Variants in KCTD10 observed in about 807,000 individuals in gnomAD.
KCTD10 encodes the protein BTB/POZ domain-containing adapter for CUL3-mediated RhoA degradation protein 3.
A neutral mutation model predicts 34.6 loss-of-function variants in KCTD10; 13 were observed. That is an observed-to-expected ratio of 0.38 (90% CI 0.24 to 0.60). The LOEUF (loss-of-function observed/expected upper bound fraction) is 0.60. KCTD10 is among the 20% of genes least tolerant of loss of function. KCTD10 has a pLI of 0.66. For missense variants in KCTD10, 256 were observed against 420.3 expected (o/e 0.61, Z 3.42); for synonymous variants, 156 against 168.8 (o/e 0.92, Z 0.59).
chr12:109,469,838 G>C, intron 1 of KCTD10, 110 bp from the exon 2 acceptor site: 3 of 1,481,748 alleles, frequency 2.0e-6, no homozygotes, highest in Non-Finnish European at 2.7e-6. Context: ...CGCATACACA[G>C]CATTTAAAAG....
intron 2 of KCTD10, among the ~76,000 whole-genome samples, chr12:109,461,344 G>A (rs1873315280): frequency 6.6e-6 from 1 of 152,206 alleles, no homozygotes; most frequent in African/African-American, 2.4e-5. Context: ...CACCAACACA[G>A]GAAGTCCTAT....
intron 1 of KCTD10, chr12:109,471,266 C>T (rs1361343422): frequency 1.0e-5 from 10 of 985,284 alleles, no homozygotes; most frequent in Non-Finnish European, 6.0e-6. Context: ...GCAGAAGCAA[C>T]GCGACAGTCA....
chr12:109,457,470 CAG>C lies in KCTD10; in HGVS notation c.527+158_527+159del, dbSNP rs1873076394. ...TTTATGATATGTGTGAATTATAGCT[CAG>C]AGTTATACCCCTGTATCCATCTGTC... is the stretch of plus-strand genomic sequence containing the variant. On this transcript the variant is annotated intron_variant, in intron 5 of 6. Coordinates refer to ENST00000228495, the MANE Select transcript of KCTD10 (RefSeq NM_031954.5). 17 of 620,102 alleles carry C rather than the reference CAG, an allele frequency of 2.7e-5. No homozygotes were observed. The South Asian group carries it at 3.1e-4, about 11-fold the overall frequency. 38.4% of individuals were successfully genotyped at this position (620,102 alleles called of 1,614,324 possible).
chr12:109,451,596 C>T lies in KCTD10; in HGVS notation c.941G>A (p.Ter314=). 3 of 1,604,684 alleles carry T rather than the reference C, an allele frequency of 1.9e-6. No individual in the cohort carries two copies. Among genetic ancestry groups the T allele is most frequent in the Non-Finnish European group, 2.6e-6 (3 of 1,176,156 alleles). Reference sequence around the variant, plus strand: ...AGGGCGGCTCGGTCTCTTGCCTGCTCACTGGTGGAGGTGGGCCCGGTCATC... The same window carrying T: ...AGGGCGGCTCGGTCTCTTGCCTGCTTACTGGTGGAGGTGGGCCCGGTCATC... The part of the protein sequence containing the change: ...RPDDRAHLHQ[*] Residue 314 remains the stop codon, a stop_retained_variant, in exon 7 of 7, where the codon TGA becomes TAA. Transcript: ENST00000228495. The surrounding 1 kb of genome is among the most constrained non-coding windows in gnomAD (Gnocchi z 5.0).
At chr12:109,452,009 A>G (rs2135633732) in intron 6 of KCTD10, among the ~76,000 whole-genome samples, 196 bp from the exon 7 acceptor site, 1 of 152,358 alleles carries the variant, frequency 6.6e-6, no homozygotes, top group South Asian at 2.1e-4. Flanking sequence ...AATCAAGGGG[A>G]TGCAGAGAAA....
intron 5 of KCTD10, 88 bp from the exon 6 acceptor site, chr12:109,456,401 GC>G: frequency 8.7e-7 from 1 of 1,145,612 alleles, no homozygotes; most frequent in Non-Finnish European, 1.3e-6. Flanking sequence ...GCCCTACTGA[GC>G]CCACTTTCTC....
intron 1 of KCTD10, chr12:109,469,931 G>A: frequency 7.9e-7 from 1 of 1,264,966 alleles, no homozygotes. Context: ...GGCCAACTGG[G>A]CTAGCAGGGG....
intron 1 of KCTD10, among the ~76,000 whole-genome samples, chr12:109,474,696 A>T (rs1037021071): frequency 6.6e-6 from 1 of 152,302 alleles, no homozygotes; most frequent in Admixed American, 6.5e-5. Context: ...AAAACAAACC[A>T]AAACACCATA....
rs1872764186 is a variant in KCTD10, at chr12:109,451,535, G to C, written c.*60C>G. The C allele has an allele frequency of 6.7e-7, 1 of 1,498,380 alleles. No individual in the cohort carries two copies. The highest frequency in any genetic ancestry group is 9.1e-7 in the Non-Finnish European group (1 of 1,101,206). The allele number at this position is 1,498,380 out of a possible 1,614,324, so 92.8% of individuals were successfully genotyped here. Reference sequence around the variant, plus strand: ...GGGCCCGGCAGCCTGCACAGGATCTGGGTGTAGCACGGCAGGGAGTGGGGG... The same window carrying C: ...GGGCCCGGCAGCCTGCACAGGATCTCGGTGTAGCACGGCAGGGAGTGGGGG... On this transcript the variant is annotated 3_prime_UTR_variant, in exon 7 of 7. Coordinates refer to ENST00000228495, the MANE Select transcript of KCTD10 (RefSeq NM_031954.5). The surrounding 1 kb of genome is among the most constrained non-coding windows in gnomAD (Gnocchi z 5.0).
rs143164208 is a variant in KCTD10, at chr12:109,466,157, G to C, written c.217+3358C>G. Among the ~76,000 whole-genome samples, 1,294 of 152,226 alleles carry C rather than the reference G, an allele frequency of 8.5e-3. 7 individuals carry two copies. Among genetic ancestry groups the C allele is most frequent in the African/African-American group, 0.019 (786 of 41,514 alleles). On this transcript the variant is annotated intron_variant, in intron 2 of 6. Transcript: ENST00000228495. The stretch of plus-strand genomic sequence containing the variant: ...GTCTTCTCAGAAAAGCCATCCCTTG[G>C]GGGTAGTGTGGAACTGCAGCACACT...
intron 5 of KCTD10, 72 bp from the exon 6 acceptor site, chr12:109,456,385 C>T (rs550954773): frequency 8.8e-6 from 12 of 1,360,096 alleles, no homozygotes; most frequent in Middle Eastern, 1.8e-4. Context: ...CCCTTCTACA[C>T]GCAGGGCCCT....
At chr12:109,458,446 A>C in intron 3 of KCTD10, 1 of 172,876 alleles carries the variant, frequency 5.8e-6, no homozygotes. Flanking sequence ...AAAAGCATAA[A>C]CCCATAAGGG....
At chr12:109,459,209 G>A (rs1464929033) in intron 3 of KCTD10, 2 of 152,184 alleles carry the variant, frequency 1.3e-5, no homozygotes, top group Non-Finnish European at 2.9e-5. Context: ...AAGCAGAAAT[G>A]AAAATTTTGA....
chr12:109,475,215 C>G (rs1874100123), intron 1 of KCTD10, among the ~76,000 whole-genome samples: 1 of 151,986 alleles, frequency 6.6e-6, no homozygotes, highest in Admixed American at 6.6e-5. Context: ...GGCTCACACC[C>G]ATTATCCCAG....
chr12:109,455,279 T>C (rs1033505605), intron 6 of KCTD10, among the ~76,000 whole-genome samples: 18 of 151,098 alleles, frequency 1.2e-4, no homozygotes, highest in Admixed American at 8.6e-4. Context: ...GGAGGAGGAG[T>C]AGATACAGAC....
chr12:109,460,695 C>T lies in KCTD10; in HGVS notation c.328G>A (p.Ala110Thr), dbSNP rs765336618. The part of the protein sequence containing the change: ...ESRREIEELL[A>T]EAKYYLVQGL... ...TGGACTAGGTAGTACTTGGCTTCTG[C>T]TAGCAGCTCCTCGATCTCCCGGCGG... Residue 110 changes from alanine (A) to threonine (T), a missense_variant, in exon 3 of 7, where the codon GCA becomes ACA. Ala to Thr is a moderately conservative substitution (Grantham distance 58). This residue lies in a region of KCTD10 where 155 missense variants were observed against 207.0 expected (regional missense o/e 0.75). Transcript: ENST00000228495. This position sits in a 1 kb window ranked among gnomAD's most constrained non-coding sequence, Gnocchi z 4.5. The T allele has an allele frequency of 6.2e-7, 1 of 1,614,180 alleles. No homozygotes were observed. Among genetic ancestry groups the T allele is most frequent in the South Asian group, 1.1e-5 (1 of 91,070 alleles).
At chr12:109,475,699 C>T (rs1052715402) in intron 1 of KCTD10, among the ~76,000 whole-genome samples, 3 of 152,116 alleles carry the variant, frequency 2.0e-5, no homozygotes, top group East Asian at 1.9e-4. Flanking sequence ...CAAAGCATCA[C>T]CTCAGGGGAT....
intron 1 of KCTD10, among the ~76,000 whole-genome samples, chr12:109,476,322 CTT>C (rs1461768664): frequency 6.6e-6 from 1 of 152,200 alleles, no homozygotes; most frequent in Non-Finnish European, 1.5e-5. Flanking sequence ...GGATAACTGA[CTT>C]TTCTTCAGCA....
rs1040147953 is a variant in KCTD10, at chr12:109,456,196, G to T, written c.645C>A (p.Ser215=). ...CAATCTTCCGGCCCTGACCATAAAA[G>T]GACCAGCAGCAGATTTCATCCCCAA... is the stretch of plus-strand genomic sequence containing the variant. ...DVIGDEICCW[S]FYGQGRKIAE... Residue 215 remains serine (S), a synonymous_variant, in exon 6 of 7, where the codon TCC becomes TCA. Coordinates refer to ENST00000228495, the MANE Select transcript of KCTD10 (RefSeq NM_031954.5). The T allele has an allele frequency of 8.1e-6, 13 of 1,614,150 alleles. No homozygotes were observed. Among genetic ancestry groups the T allele is most frequent in the Non-Finnish European group, 1.1e-5 (13 of 1,180,034 alleles).
Sources: gnomAD v4.1 joint callset for allele counts (sites outside exome capture counted in the v4.1 genomes callset) on GRCh38, gnomAD v4.1.1 for gene constraint, gnomAD v4.1.1 regional missense constraint, Gnocchi (gnomAD v3.1) non-coding constraint, MANE v1.5 for transcripts, NCBI Gene and HGNC (gene_info 2026-07-23, HGNC 2026-07-21) for gene names.